Variants in DNAJC1 observed in about 807,000 individuals in gnomAD.
DNAJC1 encodes DnaJ heat shock protein family (Hsp40) member C1, also known as dnaJ homolog subfamily C member 1.
In DNAJC1, 58 loss-of-function variants were observed where a neutral mutation model predicts 76.6. The ratio of observed to expected loss-of-function variants is 0.76; its 90% CI spans 0.61 to 0.94. The LOEUF is 0.94. Among genes scored for constraint, DNAJC1 ranks in the 40% least tolerant of loss-of-function variants. DNAJC1 has a pLI of 0.00. For missense variants in DNAJC1, 689 were observed against 677.3 expected (o/e 1.02, Z -0.19); for synonymous variants, 258 against 267.9 (o/e 0.96, Z 0.36).
intron 1 of DNAJC1, among the ~76,000 whole-genome samples, chr10:21,937,895 T>A (rs767564390): frequency 5.9e-5 from 9 of 152,146 alleles, no homozygotes; most frequent in Non-Finnish European, 1.2e-4. Context: ...TAGAAACTAC[T>A]GTAATATGAA....
chr10:21,826,530 T>C (rs918488959), intron 8 of DNAJC1, among the ~76,000 whole-genome samples: 1 of 152,212 alleles, frequency 6.6e-6, no homozygotes, highest in East Asian at 1.9e-4. Context: ...TTATCTATCT[T>C]TCTTTTGTTG....
chr10:21,862,585 C>T (rs914965807), intron 8 of DNAJC1, among the ~76,000 whole-genome samples: 17 of 151,802 alleles, frequency 1.1e-4, no homozygotes, highest in African/African-American at 2.2e-4. Context: ...CATGCCCCCA[C>T]GCCTGGCTAA....
At chr10:21,882,198 G>T in intron 8 of DNAJC1, 84 bp downstream of exon 8, 2 of 1,260,150 alleles carry the variant, frequency 1.6e-6, no homozygotes, top group African/African-American at 1.6e-5. Context: ...ATAAAACAAA[G>T]CACTATATCG....
intron 1 of DNAJC1, among the ~76,000 whole-genome samples, chr10:21,977,623 T>C (rs140323008): frequency 1.3e-5 from 2 of 152,270 alleles, no homozygotes; most frequent in Admixed American, 6.5e-5. Context: ...GACCAAAATA[T>C]ACATGCCCAG....
At chr10:21,871,986 G>C (rs1296284267) in intron 8 of DNAJC1, among the ~76,000 whole-genome samples, 1 of 151,458 alleles carries the variant, frequency 6.6e-6, no homozygotes, top group African/African-American at 2.4e-5. Context: ...AAAGAAATGA[G>C]ACAGTATGGC....
At chr10:21,834,866 C>G (rs370038084) in intron 8 of DNAJC1, among the ~76,000 whole-genome samples, 2 of 152,212 alleles carry the variant, frequency 1.3e-5, no homozygotes, top group African/African-American at 2.4e-5. Context: ...AGCTCAAGGA[C>G]GCCTGCCTAC....
chr10:21,881,259 T>C (rs997232651), intron 8 of DNAJC1, among the ~76,000 whole-genome samples: 5 of 152,186 alleles, frequency 3.3e-5, no homozygotes, highest in Non-Finnish European at 5.9e-5. Context: ...AGCAATAAGG[T>C]TGTTTTGCTT....
chr10:21,945,061 T>C (rs1837483291), intron 1 of DNAJC1, among the ~76,000 whole-genome samples: 1 of 152,170 alleles, frequency 6.6e-6, no homozygotes, highest in Non-Finnish European at 1.5e-5. Context: ...CATATATAAA[T>C]GTAGAAGCCA....
At chr10:21,952,884 A>G (rs1837621810) in intron 1 of DNAJC1, among the ~76,000 whole-genome samples, 1 of 152,130 alleles carries the variant, frequency 6.6e-6, no homozygotes, top group East Asian at 1.9e-4. Context: ...GGGAAAAATC[A>G]CTATTCTTTC....
At chr10:21,817,506 C>T (rs185457922) in intron 8 of DNAJC1, among the ~76,000 whole-genome samples, 2 of 151,836 alleles carry the variant, frequency 1.3e-5, no homozygotes, top group African/African-American at 4.8e-5. Flanking sequence ...GGTCCTGAAA[C>T]AATAACACTA....
chr10:21,939,322 A>G (rs1013164175), intron 1 of DNAJC1, among the ~76,000 whole-genome samples: 1 of 152,226 alleles, frequency 6.6e-6, no homozygotes, highest in African/African-American at 2.4e-5. Context: ...TCCAAATTAT[A>G]TTTAGGAACT....
intron 6 of DNAJC1, among the ~76,000 whole-genome samples, chr10:21,916,688 T>A (rs1317660344): frequency 6.6e-6 from 1 of 152,120 alleles, no homozygotes; most frequent in Non-Finnish European, 1.5e-5. Flanking sequence ...TTCATAAATA[T>A]CGTATTTAAG....
chr10:21,942,310 T>C (rs1564834037), intron 1 of DNAJC1, among the ~76,000 whole-genome samples: 1 of 152,180 alleles, frequency 6.6e-6, no homozygotes, highest in African/African-American at 2.4e-5. Context: ...CCTTATGTTC[T>C]AAACACTCCA....
Position 21,838,745 on chromosome 10 carries a change from C to T in DNAJC1, c.979-32646G>A, listed in dbSNP as rs1220970512. ...GAATTGAACTCAGCTCTTCAACAAGCAGACCTAACAGACATCTACAGAACT... is the reference window on the plus strand; with the variant it reads ...GAATTGAACTCAGCTCTTCAACAAGTAGACCTAACAGACATCTACAGAACT... On this transcript the variant is annotated intron_variant, in intron 8 of 11. Coordinates refer to ENST00000376980, the MANE Select transcript of DNAJC1 (RefSeq NM_022365.4). 2.6e-5 allele frequency among the ~76,000 whole-genome samples: 4 copies of T among 152,170 alleles called. No individual in the cohort carries two copies. The East Asian group carries it at 7.7e-4, about 29-fold the overall frequency.
At chr10:21,813,480 C>T (rs1366761969) in intron 8 of DNAJC1, among the ~76,000 whole-genome samples, 1 of 150,898 alleles carries the variant, frequency 6.6e-6, no homozygotes, top group Non-Finnish European at 1.5e-5. Flanking sequence ...ACTGCAAGCT[C>T]TGCCTCCCGG....
At chr10:21,954,371 A>G (rs1443103771) in intron 1 of DNAJC1, among the ~76,000 whole-genome samples, 3 of 152,214 alleles carry the variant, frequency 2.0e-5, no homozygotes, top group African/African-American at 7.2e-5. Flanking sequence ...GAAAGATCAG[A>G]ATAAGCATCT....
rs1168092678 is a variant in DNAJC1 at position 21,977,267 on chromosome 10, C to T, written c.222+25946G>A. On this transcript the variant is annotated intron_variant, in intron 1 of 11. Transcript: ENST00000376980. ...ACTTAAGAAATGAAAAAAACACACA[C>T]ACACACACAAAATGACTATGCAAGT... 2.0e-5 allele frequency among the ~76,000 whole-genome samples: 3 copies of T among 152,190 alleles called. No homozygotes were observed. In the East Asian group the frequency reaches 5.8e-4, roughly 29 times the overall value.
At chr10:21,776,303 T>G (rs1834453934) in intron 9 of DNAJC1, among the ~76,000 whole-genome samples, 1 of 152,208 alleles carries the variant, frequency 6.6e-6, no homozygotes, top group East Asian at 1.9e-4. Context: ...AAAGTATATG[T>G]TCATATTTCT....
intron 1 of DNAJC1, among the ~76,000 whole-genome samples, chr10:21,978,439 CAG>C (rs1838100147): frequency 6.6e-6 from 1 of 152,112 alleles, no homozygotes; most frequent in East Asian, 1.9e-4. Flanking sequence ...CCTAGTAAGA[CAG>C]GGGTCAGCAA....
Sources: allele counts gnomAD v4.1 joint callset (sites outside exome capture counted in the v4.1 genomes callset), GRCh38; gene constraint gnomAD v4.1.1; transcripts MANE v1.5; gene names NCBI Gene and HGNC (gene_info 2026-07-23, HGNC 2026-07-21).